AGO3: variants seen among roughly 807,000 people sequenced by gnomAD.
The protein encoded by AGO3 is argonaute RISC catalytic component 3.
Under a neutral mutation model 105.5 loss-of-function variants are expected in AGO3, and 16 were observed. The ratio of observed to expected loss-of-function variants is 0.15; its 90% CI spans 0.10 to 0.23. The LOEUF (loss-of-function observed/expected upper bound fraction) is 0.23. Ranked by LOEUF, AGO3 falls within the 10% of genes least tolerant of loss-of-function variation. The pLI is 1.00. For missense variants in AGO3, 534 were observed against 1,088.0 expected (o/e 0.49, Z 7.16); for synonymous variants, 340 against 367.3 (o/e 0.93, Z 0.85).
chr1:36,051,782 A>C (rs568517511), intron 17 of AGO3, among the ~76,000 whole-genome samples: 12 of 152,328 alleles, frequency 7.9e-5, no homozygotes, highest in Admixed American at 6.5e-4. Context: ...ATTTTAAAAT[A>C]GGCAAATGTC....
intron 5 of AGO3, among the ~76,000 whole-genome samples, chr1:35,979,995 AC>A (rs1647023439): frequency 6.6e-6 from 1 of 152,124 alleles, no homozygotes; most frequent in Non-Finnish European, 1.5e-5. Flanking sequence ...GCCATTTTTT[AC>A]ATTTGTATAT....
At chr1:35,938,280 G>A (rs529283852) in intron 1 of AGO3, among the ~76,000 whole-genome samples, 3 of 151,906 alleles carry the variant, frequency 2.0e-5, no homozygotes, top group South Asian at 2.1e-4. Context: ...CACTGTGCCC[G>A]GCCCAAAAAT....
intron 5 of AGO3, among the ~76,000 whole-genome samples, chr1:35,999,235 G>T (rs1370095476): frequency 6.6e-6 from 1 of 152,096 alleles, no homozygotes; most frequent in Non-Finnish European, 1.5e-5. Flanking sequence ...AGCTACTCGG[G>T]AGGCTGAGGC....
At position 35,953,745 on chromosome 1, in the gene AGO3, C is replaced by T. The variant is rs539078025; in HGVS notation, c.191+7882C>T. Among the ~76,000 whole-genome samples, 3 of 152,194 alleles carry T rather than the reference C, an allele frequency of 2.0e-5. No individual in the cohort carries two copies. The East Asian group carries it at 5.8e-4, about 29-fold the overall frequency. ...CAGGCTGGTCTCGAACCTCTGACCT[C>T]AGGTGATTCACCCGCCTCACCCTTC... On this transcript the variant is annotated intron_variant, in intron 2 of 18. Coordinates refer to ENST00000373191, the MANE Select transcript of AGO3 (RefSeq NM_024852.4).
intron 5 of AGO3, among the ~76,000 whole-genome samples, chr1:35,975,994 G>A (rs1423051702): frequency 6.6e-6 from 1 of 150,376 alleles, no homozygotes; most frequent in Non-Finnish European, 1.5e-5. Flanking sequence ...GGAGTACAAT[G>A]GAGTGATCTC....
intron 11 of AGO3, 128 bp from the exon 12 acceptor site, chr1:36,026,986 G>C: frequency 9.6e-7 from 1 of 1,046,738 alleles, no homozygotes; most frequent in Non-Finnish European, 1.4e-6. Flanking sequence ...GTAGTCTGGT[G>C]ACCTCTCATA....
chr1:36,055,688 T>C lies in AGO3; in HGVS notation c.2526T>C (p.Ala842=). 1 of 1,614,214 alleles carries C rather than the reference T, an allele frequency of 6.2e-7. No individual in the cohort carries two copies. Among genetic ancestry groups the C allele is most frequent in the Non-Finnish European group, 8.5e-7 (1 of 1,180,040 alleles). ...AAAGCAATGGGCGAGATCCACAAGC[T>C]CTTGCCAAGGCTGTACAGATTCACC... ...SGQSNGRDPQ[A]LAKAVQIHQD... Residue 842 remains alanine (A), a synonymous_variant, in exon 19 of 19, where the codon GCT becomes GCC. Coordinates refer to ENST00000373191, the MANE Select transcript of AGO3 (RefSeq NM_024852.4). This position sits in a 1 kb window ranked among gnomAD's most constrained non-coding sequence, Gnocchi z 4.4.
chr1:35,940,768 C>T (rs935360297), intron 1 of AGO3, among the ~76,000 whole-genome samples: 12 of 152,158 alleles, frequency 7.9e-5, no homozygotes, highest in African/African-American at 2.9e-4. Context: ...CTTCTTGAAA[C>T]ACTGTTTTTC....
chr1:35,980,199 TCTA>T (rs1282169419), intron 5 of AGO3, among the ~76,000 whole-genome samples: 1 of 152,202 alleles, frequency 6.6e-6, no homozygotes, highest in Non-Finnish European at 1.5e-5. Context: ...TTCCCTTCTT[TCTA>T]CTAGTTTTAG....
chr1:36,044,200 C>G (rs1270433386), intron 17 of AGO3, among the ~76,000 whole-genome samples: 1 of 151,984 alleles, frequency 6.6e-6, no homozygotes, highest in Non-Finnish European at 1.5e-5. Context: ...TAAAAATTAG[C>G]CAGGTGTGGT....
chr1:35,970,532 A>G (rs1279278376), intron 3 of AGO3, among the ~76,000 whole-genome samples: 1 of 152,200 alleles, frequency 6.6e-6, no homozygotes, highest in Admixed American at 6.5e-5. Flanking sequence ...TTTGTATGCA[A>G]TTCTTCTAAA....
chr1:36,070,126 C>T lies in AGO3; in HGVS notation c.*14381C>T, dbSNP rs891387378. The T allele has an allele frequency of 9.2e-5, 14 of 152,104 alleles. 1 individual carries two copies. Among genetic ancestry groups the T allele is most frequent in the Admixed American group, 8.5e-4 (13 of 15,252 alleles). The allele number at this position is 152,104 out of a possible 1,614,324, so 9.4% of individuals were successfully genotyped here. On this transcript the variant is annotated 3_prime_UTR_variant, in exon 19 of 19. Transcript: ENST00000373191. ...TTAACTTCGCCTTTGCCTTCAGGCA[C>T]TTTTGCTACATGTTAGCATCAGAGG...
intron 5 of AGO3, among the ~76,000 whole-genome samples, chr1:35,980,070 A>AT (rs1042691957): frequency 2.6e-5 from 4 of 152,036 alleles, no homozygotes; most frequent in African/African-American, 9.6e-5. Flanking sequence ...TCTTAGGAAG[A>AT]TTTTTCCCCC....
In AGO3 at chr1:36,027,305, A is replaced by C. The variant is rs1482406818; in HGVS notation, c.1591+7A>C. The C allele has an allele frequency of 6.2e-7, 1 of 1,602,164 alleles. No homozygotes were observed. Among genetic ancestry groups the C allele is most frequent in the Non-Finnish European group, 8.5e-7 (1 of 1,172,576 alleles). On this transcript the variant is annotated splice_region_variant and intron_variant, in intron 12 of 18. Transcript: ENST00000373191. The surrounding 1 kb of genome is among the most constrained non-coding windows in gnomAD (Gnocchi z 4.0). ...GGGAAGACACCAGTGTATGGTAAGG[A>C]TATCTTAAGACTGCATTTTTCCTCA...
chr1:36,034,730 T>C (rs1275563638), intron 13 of AGO3, among the ~76,000 whole-genome samples: 1 of 152,186 alleles, frequency 6.6e-6, no homozygotes, highest in African/African-American at 2.4e-5. Context: ...GCTTGAAGAA[T>C]TTTCACTTTA....
At chr1:36,003,993 A>T (rs1168843266) in intron 5 of AGO3, 5 of 158,224 alleles carry the variant, frequency 3.2e-5, no homozygotes, top group African/African-American at 1.2e-4. Context: ...TGTTTCTATT[A>T]AAAAAAGAAA....
intron 5 of AGO3, among the ~76,000 whole-genome samples, chr1:35,997,854 G>A (rs991102657): frequency 2.6e-5 from 4 of 151,914 alleles, no homozygotes; most frequent in Admixed American, 2.0e-4. Context: ...CTGCCACCAC[G>A]CCCAGCTAAT....
Position 35,973,359 on chromosome 1 carries a change from A to G in AGO3, c.522-16A>G, listed in dbSNP as rs966645450. On this transcript the variant is annotated splice_polypyrimidine_tract_variant and intron_variant, in intron 4 of 18. Transcript: ENST00000373191. Reference sequence around the variant, plus strand: ...TGAGAAGGAAAGGATTGAACATGCCATTTTAATTTTTGTAGATACACACCT... The same window carrying G: ...TGAGAAGGAAAGGATTGAACATGCCGTTTTAATTTTTGTAGATACACACCT... The G allele has an allele frequency of 3.4e-6, 5 of 1,478,644 alleles. No individual in the cohort carries two copies. Among genetic ancestry groups the G allele is most frequent in the Admixed American group, 4.1e-5 (2 of 48,416 alleles). The allele number at this position is 1,478,644 out of a possible 1,614,324, so 91.6% of individuals were successfully genotyped here.
intron 2 of AGO3, among the ~76,000 whole-genome samples, chr1:35,946,864 A>C (rs970416021): frequency 6.6e-6 from 1 of 152,218 alleles, no homozygotes; most frequent in Admixed American, 6.5e-5. Flanking sequence ...AGAGTGTTAC[A>C]GTTGAAAGGA....
Sources: allele counts gnomAD v4.1 joint callset (sites outside exome capture counted in the v4.1 genomes callset), GRCh38; gene constraint gnomAD v4.1.1; non-coding constraint Gnocchi (gnomAD v3.1); transcripts MANE v1.5; gene names NCBI Gene and HGNC (gene_info 2026-07-23, HGNC 2026-07-21).